The following SIPA1L1 variants were observed in gnomAD, a reference collection of about 807,000 sequenced individuals.
SIPA1L1 encodes signal induced proliferation associated 1 like 1.
SIPA1L1 carries 26 observed loss-of-function variants against 162.7 expected under a neutral mutation model. The observed-to-expected ratio is 0.16, with a 90% CI of 0.12 to 0.22. SIPA1L1 has a LOEUF of 0.22. SIPA1L1 is among the 10% of genes least tolerant of loss of function. The pLI, the probability that SIPA1L1 is intolerant of heterozygous loss-of-function variation, is 1.00. For missense variants in SIPA1L1, 1,874 were observed against 2,241.0 expected, an observed-to-expected ratio of 0.84 and a Z score of 3.31; for synonymous variants, 829 against 837.4, an observed-to-expected ratio of 0.99 and a Z score of 0.17.
intron 2 of SIPA1L1, among the ~76,000 whole-genome samples, chr14:71,334,782 G>A (rs2034915741): frequency 6.6e-6 from 1 of 151,936 alleles, no homozygotes. Flanking sequence ...TTTTTTGACT[G>A]CTTTACTTTT....
chr14:71,525,602 G>C (rs1461289053), intron 3 of SIPA1L1, among the ~76,000 whole-genome samples: 3 of 152,198 alleles, frequency 2.0e-5, no homozygotes, highest in African/African-American at 7.2e-5. Context: ...AAACATGTCA[G>C]CTTTGAAAGT....
intron 2 of SIPA1L1, among the ~76,000 whole-genome samples, chr14:71,444,980 C>T (rs186433393): frequency 2.6e-4 from 39 of 152,248 alleles, no homozygotes; most frequent in Admixed American, 2.4e-3. Flanking sequence ...CAGGTGGTTC[C>T]AGGTGGTTCT....
At chr14:71,643,435 T>C (rs2041899448) in intron 7 of SIPA1L1, among the ~76,000 whole-genome samples, 1 of 152,244 alleles carries the variant, frequency 6.6e-6, no homozygotes, top group African/African-American at 2.4e-5. Flanking sequence ...AAGACTTTTT[T>C]GTGTGTTTAC....
At chr14:71,664,595 C>T (rs746615398) in intron 10 of SIPA1L1, among the ~76,000 whole-genome samples, 1 of 152,094 alleles carries the variant, frequency 6.6e-6, no homozygotes, top group Non-Finnish European at 1.5e-5. Context: ...TTTAAACGTG[C>T]AATTAAATTA....
At chr14:71,721,568 C>G (rs988251010) in intron 17 of SIPA1L1, among the ~76,000 whole-genome samples, 2 of 152,220 alleles carry the variant, frequency 1.3e-5, no homozygotes, top group Non-Finnish European at 2.9e-5. Flanking sequence ...GAACGCCACT[C>G]AGGAGCAAAG....
chr14:71,634,727 G>C (rs2148808599), intron 7 of SIPA1L1, among the ~76,000 whole-genome samples: 1 of 150,698 alleles, frequency 6.6e-6, no homozygotes, highest in South Asian at 2.1e-4. Context: ...ACAAGGTCAG[G>C]AGATCAAGAC....
At position 71,708,064 on chromosome 14, in the gene SIPA1L1, A is replaced by G. The variant is rs1312300550; in HGVS notation, c.3766-1158A>G. Among the ~76,000 whole-genome samples, 3 of 143,778 alleles carry G rather than the reference A, an allele frequency of 2.1e-5. No individual in the cohort carries two copies. In the Admixed American group the frequency reaches 2.1e-4, roughly 10 times the overall value. 94.3% of individuals were successfully genotyped at this position (143,778 alleles called of 152,430 possible). A position where few individuals can be genotyped will look rare whatever the true frequency, so the allele number is the denominator to read the frequency against. Reference sequence around the variant, plus strand: ...TTTTTTTTGGAGAAATGTCTATTCAAATCATTTGCCCATTGTTTAATTGGG... The same window carrying G: ...TTTTTTTTGGAGAAATGTCTATTCAGATCATTTGCCCATTGTTTAATTGGG... On this transcript the variant is annotated intron_variant, in intron 16 of 23. Coordinates refer to ENST00000381232, the MANE Select transcript of SIPA1L1 (RefSeq NM_001386936.1).
At chr14:71,352,536 A>T (rs958814572) in intron 2 of SIPA1L1, among the ~76,000 whole-genome samples, 3 of 152,072 alleles carry the variant, frequency 2.0e-5, no homozygotes, top group Non-Finnish European at 4.4e-5. Context: ...ACCAACATTG[A>T]TTTGGTGAGA....
intron 2 of SIPA1L1, among the ~76,000 whole-genome samples, chr14:71,427,723 C>A (rs1288708230): frequency 6.6e-6 from 1 of 152,066 alleles, no homozygotes; most frequent in East Asian, 1.9e-4. Flanking sequence ...TTTTTCATTT[C>A]TATTGTGCAT....
At chr14:71,650,156 A>T in intron 7 of SIPA1L1, 179 bp from the exon 8 acceptor site, 2 of 684,388 alleles carry the variant, frequency 2.9e-6, no homozygotes, top group South Asian at 3.5e-5. Context: ...CAGTTCATGA[A>T]GTTCGTAGAT....
chr14:71,564,301 A>G (rs543269676), intron 4 of SIPA1L1, among the ~76,000 whole-genome samples: 1 of 148,654 alleles, frequency 6.7e-6, no homozygotes, highest in East Asian at 2.0e-4. Flanking sequence ...TATACTCTCT[A>G]TACTTTTCTT....
At chr14:71,738,351 T>C (rs1477826853) in intron 23 of SIPA1L1, 26 bp downstream of exon 23, 1 of 1,514,090 alleles carries the variant, frequency 6.6e-7, no homozygotes, top group Admixed American at 1.7e-5. Flanking sequence ...CAAAGCAAAT[T>C]GTCCAGTCTG....
intron 8 of SIPA1L1, among the ~76,000 whole-genome samples, chr14:71,656,291 C>T (rs17092070): frequency 0.14 from 21,343 of 152,094 alleles, 1,628 homozygotes; most frequent in East Asian, 0.27. Context: ...CCTTTTAGAA[C>T]TAGCAGGCAT....
At chr14:71,497,585 A>T (rs78576001) in intron 2 of SIPA1L1, among the ~76,000 whole-genome samples, 8,591 of 152,148 alleles carry the variant, frequency 0.056, 307 homozygotes, top group African/African-American at 0.079. Context: ...ATAAATTGGG[A>T]TGTTATATAA....
intron 2 of SIPA1L1, among the ~76,000 whole-genome samples, chr14:71,436,167 T>C (rs2044361954): frequency 6.6e-6 from 1 of 152,206 alleles, no homozygotes; most frequent in Non-Finnish European, 1.5e-5. Flanking sequence ...TCTATGGAAA[T>C]AATGTTTTTA....
At chr14:71,390,996 C>T (rs539308744) in intron 2 of SIPA1L1, among the ~76,000 whole-genome samples, 36 of 151,932 alleles carry the variant, frequency 2.4e-4, no homozygotes, top group Non-Finnish European at 3.8e-4. Context: ...TTTATTGAAC[C>T]CTTCCTTTGG....
At chr14:71,481,697 T>C (rs987569170) in intron 2 of SIPA1L1, among the ~76,000 whole-genome samples, 2 of 152,180 alleles carry the variant, frequency 1.3e-5, no homozygotes. Context: ...TTATTTTAAG[T>C]CATTATTTAT....
intron 17 of SIPA1L1, among the ~76,000 whole-genome samples, chr14:71,712,610 T>G (rs1007102277): frequency 4.6e-5 from 7 of 152,264 alleles, no homozygotes; most frequent in African/African-American, 1.7e-4. Flanking sequence ...GCAGCATTCA[T>G]TTTCTTCTTA....
At chr14:71,501,058 G>A (rs190211931) in intron 2 of SIPA1L1, among the ~76,000 whole-genome samples, 29 of 151,468 alleles carry the variant, frequency 1.9e-4, no homozygotes, top group African/African-American at 6.8e-4. Flanking sequence ...CAGCGGCTCA[G>A]GCCTGTAATC....
Sources: allele counts gnomAD v4.1 joint callset (sites outside exome capture counted in the v4.1 genomes callset), GRCh38; gene constraint gnomAD v4.1.1; transcripts MANE v1.5; gene names NCBI Gene and HGNC (gene_info 2026-07-23, HGNC 2026-07-21).